Variants in TBCK observed in about 807,000 individuals in gnomAD.
The protein encoded by TBCK is TBC domain-containing protein kinase-like protein.
A neutral mutation model predicts 113.4 loss-of-function variants in TBCK; 99 were observed. The observed-to-expected ratio is 0.87, with a 90% CI of 0.74 to 1.03. The LOEUF (loss-of-function observed/expected upper bound fraction) is 1.03. TBCK is among the 50% of genes least tolerant of loss of function. The pLI, the probability that TBCK is intolerant of heterozygous loss-of-function variation, is 0.00. For missense variants in TBCK, 1,045 were observed against 1,061.3 expected (o/e 0.98, Z 0.21); for synonymous variants, 369 against 370.8 (o/e 1.00, Z 0.05).
intron 24 of TBCK, among the ~76,000 whole-genome samples, chr4:106,100,096 TC>T (rs1741373775): frequency 6.6e-6 from 1 of 152,222 alleles, no homozygotes; most frequent in South Asian, 2.1e-4. Flanking sequence ...AAATGTTTCA[TC>T]CATGAAAGTT....
At chr4:106,112,903 C>T (rs558315881) in intron 24 of TBCK, among the ~76,000 whole-genome samples, 7 of 152,258 alleles carry the variant, frequency 4.6e-5, no homozygotes, top group South Asian at 2.1e-4. Flanking sequence ...ACAAATTAAC[C>T]GGCAATGCCC....
chr4:106,305,535 T>A (rs1261139751), intron 2 of TBCK, among the ~76,000 whole-genome samples: 2 of 152,082 alleles, frequency 1.3e-5, no homozygotes, highest in Non-Finnish European at 2.9e-5. Context: ...TTATTTCTTA[T>A]CTTTAGAGAC....
intron 23 of TBCK, among the ~76,000 whole-genome samples, chr4:106,158,370 C>A (rs1222857385): frequency 6.6e-6 from 1 of 152,074 alleles, no homozygotes; most frequent in African/African-American, 2.4e-5. Context: ...TGGTAAAACC[C>A]TGCTTCTACT....
chr4:106,302,446 C>T (rs1049360309), intron 2 of TBCK, among the ~76,000 whole-genome samples: 1 of 152,158 alleles, frequency 6.6e-6, no homozygotes, highest in African/African-American at 2.4e-5. Context: ...AACGCAGTTC[C>T]TAATTCGGTG....
chr4:106,167,697 T>C (rs553319231), intron 23 of TBCK, among the ~76,000 whole-genome samples: 92 of 151,808 alleles, frequency 6.1e-4, no homozygotes, highest in Admixed American at 1.6e-3. Flanking sequence ...ACAGATCCCA[T>C]AGACAATAAA....
chr4:106,315,281 A>C (rs1050055337), intron 1 of TBCK, among the ~76,000 whole-genome samples: 3 of 152,194 alleles, frequency 2.0e-5, no homozygotes, highest in Non-Finnish European at 4.4e-5. Context: ...AGGATAATGA[A>C]CAAGTCAGAC....
chr4:106,089,737 G>A (rs994684530), intron 25 of TBCK, among the ~76,000 whole-genome samples: 1 of 152,234 alleles, frequency 6.6e-6, no homozygotes, highest in Non-Finnish European at 1.5e-5. Context: ...CTGAAACTCA[G>A]CAGGACACTC....
At chr4:106,272,655 C>G (rs1444221424) in intron 3 of TBCK, among the ~76,000 whole-genome samples, 1 of 151,692 alleles carries the variant, frequency 6.6e-6, no homozygotes, top group East Asian at 1.9e-4. Flanking sequence ...CCACACCCAG[C>G]TAATTTTTTT....
intron 23 of TBCK, among the ~76,000 whole-genome samples, chr4:106,167,200 G>GTA (rs1049409291): frequency 1.1e-4 from 16 of 145,408 alleles, no homozygotes; most frequent in East Asian, 7.9e-4. Flanking sequence ...ATATAGAACT[G>GTA]TATATATATA....
intron 22 of TBCK, among the ~76,000 whole-genome samples, chr4:106,179,908 T>G (rs965806125): frequency 6.6e-6 from 1 of 152,124 alleles, no homozygotes; most frequent in Non-Finnish European, 1.5e-5. Context: ...TGTTTTATAT[T>G]CTGATGCTCC....
intron 2 of TBCK, among the ~76,000 whole-genome samples, chr4:106,295,803 A>G (rs1003652803): frequency 2.6e-5 from 4 of 152,206 alleles, no homozygotes; most frequent in African/African-American, 9.6e-5. Context: ...ACACATAAAC[A>G]GAACAGTATC....
chr4:106,251,807 A>C, intron 6 of TBCK, 59 bp downstream of exon 6: 2 of 1,375,508 alleles, frequency 1.5e-6, no homozygotes, highest in South Asian at 2.0e-5. Context: ...CCTCTCCAAA[A>C]GATTATTCCA....
Position 106,236,744 on chromosome 4 carries a change from A to T in TBCK, c.1220+15T>A, listed in dbSNP as rs775510346. 10 of 1,381,110 alleles carry T rather than the reference A, an allele frequency of 7.2e-6. No individual in the cohort carries two copies. The East Asian group carries it at 1.8e-4, about 25-fold the overall frequency. The allele number at this position is 1,381,110 out of a possible 1,614,324, so 85.6% of individuals were successfully genotyped here. On this transcript the variant is annotated intron_variant, in intron 13 of 25. Transcript: ENST00000394708. Reference sequence around the variant, plus strand: ...GAAAGAAAAATAAATCTAAAATGAGACTACATATACTCACTCATCTTCAAG... The same window carrying T: ...GAAAGAAAAATAAATCTAAAATGAGTCTACATATACTCACTCATCTTCAAG...
At chr4:106,241,480 T>C (rs1276357135) in intron 12 of TBCK, among the ~76,000 whole-genome samples, 2 of 151,992 alleles carry the variant, frequency 1.3e-5, no homozygotes, top group Non-Finnish European at 2.9e-5. Flanking sequence ...CTTCCCTTGC[T>C]AGATATCAAC....
At chr4:106,106,088 T>TA (rs887541459) in intron 24 of TBCK, among the ~76,000 whole-genome samples, 56 of 133,216 alleles carry the variant, frequency 4.2e-4, no homozygotes, top group Middle Eastern at 3.6e-3. Context: ...CAGACTAAAA[T>TA]AAAAAAAAAA....
chr4:106,242,464 T>C lies in TBCK; in HGVS notation c.1170+6A>G. ...TAAAGCAGAACTGTCAAAATATCTT[T>C]CTTACATTTCTTAGCTGGCATAACG... is the stretch of plus-strand genomic sequence containing the variant. On this transcript the variant is annotated splice_donor_region_variant and intron_variant, in intron 12 of 25. Transcript: ENST00000394708. 2 of 1,590,156 alleles carry C rather than the reference T, an allele frequency of 1.3e-6. No homozygotes were observed. The highest frequency in any genetic ancestry group is 1.7e-6 in the Non-Finnish European group (2 of 1,169,330).
At chr4:106,047,885 G>A (rs1267710110) in intron 25 of TBCK, among the ~76,000 whole-genome samples, 1 of 152,098 alleles carries the variant, frequency 6.6e-6, no homozygotes, top group African/African-American at 2.4e-5. Context: ...GTGTCTTCAA[G>A]TTCTTTTCAA....
chr4:106,112,614 G>C (rs1305993084), intron 24 of TBCK, among the ~76,000 whole-genome samples: 1 of 152,080 alleles, frequency 6.6e-6, no homozygotes, highest in Non-Finnish European at 1.5e-5. Context: ...ATTTATTGCA[G>C]AACCTTGAGA....
At chr4:106,115,007 C>T (rs1307124034) in intron 24 of TBCK, among the ~76,000 whole-genome samples, 1 of 152,078 alleles carries the variant, frequency 6.6e-6, no homozygotes. Context: ...TAGAAAGTAG[C>T]AACTTTTCAC....
Sources: gnomAD v4.1 joint callset for allele counts (sites outside exome capture counted in the v4.1 genomes callset) on GRCh38, gnomAD v4.1.1 for gene constraint, MANE v1.5 for transcripts, NCBI Gene and HGNC (gene_info 2026-07-23, HGNC 2026-07-21) for gene names.